NOC2L: variants seen among roughly 807,000 people sequenced by gnomAD.
NOC2L encodes NOC2 like nucleolar associated transcriptional repressor.
NOC2L carries 101 observed loss-of-function variants against 94.2 expected under a neutral mutation model. That is an observed-to-expected ratio of 1.07 (90% confidence interval 0.91 to 1.26). The LOEUF is 1.26. Among genes scored for constraint, NOC2L ranks in the 50% most tolerant of loss-of-function variants. The probability of loss-of-function intolerance (pLI) is 0.00; values close to 1 mark genes in which losing one functional copy is unlikely to be tolerated. For synonymous variants in NOC2L, 531 were observed against 413.4 expected (o/e 1.28, Z -3.45); for missense variants, 1,076 against 980.1 (o/e 1.10, Z -1.31).
intron 14 of NOC2L, among the ~76,000 whole-genome samples, chr1:947,497 CCAGGGCCAGACAG>C (rs935856853): frequency 4.6e-5 from 7 of 152,346 alleles, no homozygotes; most frequent in Middle Eastern, 3.4e-3. Flanking sequence ...ATTCCAGCCA[CCAGGGCCAGACAG>C]CAGGGCCCCC....
intron 2 of NOC2L, chr1:958,454 T>C: frequency 6.0e-6 from 2 of 335,088 alleles, no homozygotes; most frequent in Non-Finnish European, 1.2e-5. Context: ...TTTTCCGTGT[T>C]GGTCAGGCTG....
Position 945,128 on chromosome 1 carries a change from C to T in NOC2L, c.2072G>A (p.Ser691Asn), listed in dbSNP as rs1251318023. 1.2e-6 allele frequency: 2 copies of T among 1,609,632 alleles called. No individual in the cohort carries two copies. The change falls in exon 18 of 19, where the codon AGC becomes AAC. Residue 691 changes from serine (S) to asparagine (N), a missense_variant. This residue lies in a region of NOC2L where 615 missense variants were observed against 577.4 expected (regional missense o/e 1.07). Transcript: ENST00000327044. ...ATCGTCTTCCACCCCATGCCGAGTGCTCAGGGGCCTCAGTATCCCTGAGGA... is the reference window on the plus strand; with the variant it reads ...ATCGTCTTCCACCCCATGCCGAGTGTTCAGGGGCCTCAGTATCCCTGAGGA... ...FSERGILRPLSTRHGVEDDEE... is the reference protein window; with the variant it reads ...FSERGILRPLNTRHGVEDDEE...
chr1:946,447 G>A lies in NOC2L; in HGVS notation c.1758C>T (p.Ser586=), dbSNP rs112341375. ...KVQENSAYIC[S]RRQRVSFGVS... ...CGCCGAAGGAAACCCTCTGGCGGCG[G>A]CTGCAGATGTATGCCGAGTTCTCCT... is the stretch of plus-strand genomic sequence containing the variant. Residue 586 remains serine, a synonymous_variant, in exon 15 of 19, where the codon AGC becomes AGT. Transcript: ENST00000327044. The A allele has an allele frequency of 1.9e-6, 3 of 1,613,388 alleles. No homozygotes were observed. The South Asian group carries it at 3.3e-5, about 18-fold the overall frequency.
Position 948,510 on chromosome 1 carries a change from G to C in NOC2L, c.1537C>G (p.Leu513Val), listed in dbSNP as rs1642175436. Residue 513 changes from leucine (L) to valine (V), a missense_variant, in exon 13 of 19, where the codon CTG becomes GTG. By Grantham distance (32) the Leu-to-Val change is conservative. This residue lies in a region of NOC2L where 615 missense variants were observed against 577.4 expected (regional missense o/e 1.07). Transcript: ENST00000327044. Reference protein sequence around the residue: ...SVILKLSNVNLQEKAYRDGLV... With the variant: ...SVILKLSNVNVQEKAYRDGLV... ...CTCACCCGGTACGCCTTCTCCTGCA[G>C]GTTGACATTGGACAGCTTCAGGATC... 1 of 1,613,254 alleles carries C rather than the reference G, an allele frequency of 6.2e-7. No homozygotes were observed. The highest frequency in any genetic ancestry group is 8.5e-7 in the Non-Finnish European group (1 of 1,179,660).
Position 949,072 on chromosome 1 carries a change from C to T in NOC2L, c.1444-469G>A, listed in dbSNP as rs28624939. ...ACAGCAAAGAGTGCCAGACACAGGA[C>T]GGGACAGATGGAGGTCACGGGAGGC... is the stretch of plus-strand genomic sequence containing the variant. On this transcript the variant is annotated intron_variant, in intron 12 of 18. Transcript: ENST00000327044. 4.5e-3 allele frequency among the ~76,000 whole-genome samples: 650 copies of T among 142,952 alleles called. 6 individuals are homozygous for T. The highest frequency in any genetic ancestry group is 0.016 in the African/African-American group (624 of 39,120). 93.8% of individuals were successfully genotyped at this position (142,952 alleles called of 152,430 possible). A position where few individuals can be genotyped will look rare whatever the true frequency, so the allele number is the denominator to read the frequency against.
At chr1:951,721 C>A (rs1414591258) in intron 11 of NOC2L, among the ~76,000 whole-genome samples, 1 of 152,256 alleles carries the variant, frequency 6.6e-6, no homozygotes, top group Admixed American at 6.5e-5. Flanking sequence ...AAACTCACTG[C>A]AAACTGCACA....
chr1:944,287 C>G lies in NOC2L; in HGVS notation c.*407G>C. 2.1e-6 allele frequency: 3 copies of G among 1,420,346 alleles called. No individual in the cohort carries two copies. Among genetic ancestry groups the G allele is most frequent in the South Asian group, 1.7e-5 (1 of 58,454 alleles). 88.0% of individuals were successfully genotyped at this position (1,420,346 alleles called of 1,614,324 possible). A position where few individuals can be genotyped will look rare whatever the true frequency, so the allele number is the denominator to read the frequency against. ...AAAATTTTAAAAGAAAATGTGACTT[C>G]AAAGGAAAGGAACAAATTTTCAAAG... On this transcript the variant is annotated 3_prime_UTR_variant, in exon 19 of 19. Coordinates refer to ENST00000327044, the MANE Select transcript of NOC2L (RefSeq NM_015658.4).
At chr1:954,174 C>T (rs111462241) in intron 6 of NOC2L, 92 bp from the exon 7 acceptor site, 7 of 1,206,056 alleles carry the variant, frequency 5.8e-6, no homozygotes, top group Non-Finnish European at 8.3e-6. Flanking sequence ...GCCAGCATAG[C>T]CTCTACGACT....
rs925849771 is a variant in NOC2L, at chr1:954,851, CAAACA to C, written c.699-774_699-770del. Among the ~76,000 whole-genome samples the C allele has an allele frequency of 9.2e-5, 14 of 151,978 alleles. No individual in the cohort carries two copies. The South Asian group carries it at 1.0e-3, about 11-fold the overall frequency. On this transcript the variant is annotated intron_variant, in intron 6 of 18. Transcript: ENST00000327044. ...GGAAAAAAAAAAACCAAAAACCAAA[CAAACA>C]AAACAAAACAAAACAAAACATTTAC... is the stretch of plus-strand genomic sequence containing the variant.
In NOC2L at chr1:948,155, C is replaced by T; in HGVS notation, c.1635G>A (p.Glu545=). 1 of 1,591,102 alleles carries T rather than the reference C, an allele frequency of 6.3e-7. No individual in the cohort carries two copies. Among genetic ancestry groups the T allele is most frequent in the Non-Finnish European group, 8.5e-7 (1 of 1,169,754 alleles). The change falls in exon 14 of 19, where the codon GAG becomes GAA. Residue 545 remains glutamate, a synonymous_variant. Coordinates refer to ENST00000327044, the MANE Select transcript of NOC2L (RefSeq NM_015658.4). ...CCTGCAGGACCACAGGCAGCACCAG[C>T]TCCGGGAAGCCGATGCAGTGTGCCT... The part of the protein sequence containing the change: ...HSQAHCIGFP[E]LVLPVVLQLK...
In NOC2L at chr1:952,654, C is replaced by T. The variant is rs575737804; in HGVS notation, c.1003-54G>A. ...TGGGATCAGGGCCATGCACCTCCAC[C>T]GCCCACTCCAGGGCCCCTGTGAACA... On this transcript the variant is annotated intron_variant, in intron 9 of 18. Transcript: ENST00000327044. 6.2e-4 allele frequency: 970 copies of T among 1,568,888 alleles called. 4 individuals carry two copies. The African/African-American group carries it at 6.3e-3, about 10-fold the overall frequency.
At chr1:958,083 T>TC (rs1491047649) in intron 2 of NOC2L, 1 of 108,082 alleles carries the variant, frequency 9.3e-6, no homozygotes, top group Admixed American at 9.9e-5. Flanking sequence ...TTTTTTTTTC[T>TC]CCTGAGGCGG....
At chr1:948,324 T>C (rs779941817) in intron 13 of NOC2L, 92 bp from the exon 14 acceptor site, 54 of 1,182,450 alleles carry the variant, frequency 4.6e-5, no homozygotes, top group Non-Finnish European at 6.1e-5. Flanking sequence ...GGCAGCGCCA[T>C]CTCCAGGGCA....
intron 11 of NOC2L, among the ~76,000 whole-genome samples, chr1:951,730 C>T (rs753602370): frequency 6.6e-5 from 10 of 152,258 alleles, no homozygotes; most frequent in Non-Finnish European, 1.3e-4. Flanking sequence ...GCAAACTGCA[C>T]ACAAGCCCCC....
chr1:956,613 C>G (rs1373716269), intron 4 of NOC2L, among the ~76,000 whole-genome samples: 1 of 152,206 alleles, frequency 6.6e-6, no homozygotes, highest in Non-Finnish European at 1.5e-5. Flanking sequence ...GGGGCGCCAA[C>G]AGAGCCCCTG....
At position 958,978 on chromosome 1, in the gene NOC2L, G is replaced by C. The variant is rs1216544911; in HGVS notation, c.130C>G (p.Arg44Gly). The C allele has an allele frequency of 6.2e-7, 1 of 1,612,610 alleles. No individual in the cohort carries two copies. The highest frequency in any genetic ancestry group is 1.3e-5 in the African/African-American group (1 of 74,930). ...NSPQAETREAREAARSPDKPG... is the reference protein window; with the variant it reads ...NSPQAETREAGEAARSPDKPG... ...TTATCCGGACTCCGGGCAGCCTCGCGTGCTTCCCGTGTCTCCGCTTGTGGA... is the reference window on the plus strand; with the variant it reads ...TTATCCGGACTCCGGGCAGCCTCGCCTGCTTCCCGTGTCTCCGCTTGTGGA... Residue 44 changes from arginine (R) to glycine (G), a missense_variant, in exon 2 of 19, where the codon CGC (arginine) becomes GGC (glycine). This residue lies in a region of NOC2L where 457 missense variants were observed against 386.0 expected (regional missense o/e 1.18). Coordinates refer to ENST00000327044, the MANE Select transcript of NOC2L (RefSeq NM_015658.4).
At chr1:945,310 G>T in intron 17 of NOC2L, 164 bp from the exon 18 acceptor site, 1 of 1,005,914 alleles carries the variant, frequency 9.9e-7, no homozygotes, top group Non-Finnish European at 1.4e-6. Context: ...CACAGGCCTG[G>T]GGACAGAGTT....
Position 945,119 on chromosome 1 carries a change from T to C in NOC2L, c.2081A>G (p.His694Arg), listed in dbSNP as rs1642062385. ...RGILRPLSTR[H>R]GVEDDEEDEE... is the part of the protein sequence containing the mutation. ...GTCCTCTTCATCGTCTTCCACCCCA[T>C]GCCGAGTGCTCAGGGGCCTCAGTAT... Residue 694 changes from histidine to arginine, a missense_variant, in exon 18 of 19, where the codon CAT (histidine) becomes CGT (arginine). His to Arg is a conservative substitution (Grantham distance 29). Transcript: ENST00000327044. 6.2e-7 allele frequency: 1 copy of C among 1,612,678 alleles called. No individual in the cohort carries two copies. Among genetic ancestry groups the C allele is most frequent in the African/African-American group, 1.3e-5 (1 of 74,986 alleles).
Position 945,562 on chromosome 1 carries a change from A to C in NOC2L, c.2009T>G (p.Leu670Arg). 6.2e-7 allele frequency: 1 copy of C among 1,614,034 alleles called. No homozygotes were observed. The highest frequency in any genetic ancestry group is 8.5e-7 in the Non-Finnish European group (1 of 1,179,914). The change falls in exon 17 of 19, where the codon CTG (leucine) becomes CGG (arginine). Residue 670 changes from leucine to arginine, a missense_variant. By Grantham distance (102) the Leu-to-Arg change is moderately radical. This residue lies in a region of NOC2L where 615 missense variants were observed against 577.4 expected (regional missense o/e 1.07). Coordinates refer to ENST00000327044, the MANE Select transcript of NOC2L (RefSeq NM_015658.4). ...DRKQFKDLFD[L>R]NSSEEDDTEG... ...GGTGTCGTCCTCTTCAGAGCTGTTCAGGTCAAAGAGGTCTTTAAATTGCTT... is the reference window on the plus strand; with the variant it reads ...GGTGTCGTCCTCTTCAGAGCTGTTCCGGTCAAAGAGGTCTTTAAATTGCTT...
Sources: gnomAD v4.1 joint callset for allele counts (sites outside exome capture counted in the v4.1 genomes callset) on GRCh38, gnomAD v4.1.1 for gene constraint, gnomAD v4.1.1 regional missense constraint, MANE v1.5 for transcripts, NCBI Gene and HGNC (gene_info 2026-07-23, HGNC 2026-07-21) for gene names.